Variants in NIN observed in about 807,000 individuals in gnomAD.
NIN encodes the protein ninein.
In NIN, 137 loss-of-function variants were observed where a neutral mutation model predicts 257.6. The ratio of observed to expected loss-of-function variants is 0.53; its 90% CI spans 0.46 to 0.61. The LOEUF is 0.61. Among genes scored for constraint, NIN ranks in the 20% least tolerant of loss-of-function variants. The probability of loss-of-function intolerance (pLI) is 0.00; values close to 1 mark genes in which losing one functional copy is unlikely to be tolerated. For synonymous variants in NIN, 918 were observed against 919.8 expected (o/e 1.00, Z 0.04); for missense variants, 2,439 against 2,501.2 (o/e 0.98, Z 0.53).
At chr14:50,756,244 A>G (rs1485167789) in intron 18 of NIN, among the ~76,000 whole-genome samples, 1 of 152,214 alleles carries the variant, frequency 6.6e-6, no homozygotes, top group Non-Finnish European at 1.5e-5. Context: ...ATGGTTAAAC[A>G]GCAAACACTC....
intron 3 of NIN, among the ~76,000 whole-genome samples, chr14:50,820,751 T>G (rs1312372045): frequency 6.6e-6 from 1 of 152,028 alleles, no homozygotes; most frequent in Non-Finnish European, 1.5e-5. Context: ...TGCAAAGAAG[T>G]CACATATTTT....
intron 29 of NIN, 103 bp from the exon 30 acceptor site, chr14:50,726,169 C>G (rs537758591): frequency 2.3e-6 from 2 of 877,708 alleles, no homozygotes; most frequent in East Asian, 2.5e-5. Context: ...AATGTTTTGC[C>G]TTTGTAACAG....
chr14:50,767,910 G>T (rs2042571211), intron 12 of NIN, among the ~76,000 whole-genome samples: 1 of 151,406 alleles, frequency 6.6e-6, no homozygotes, highest in African/African-American at 2.4e-5. Flanking sequence ...TTGGTTTAAA[G>T]ATATAAAAAC....
chr14:50,810,041 C>A (rs957776256), intron 3 of NIN, among the ~76,000 whole-genome samples: 3 of 151,994 alleles, frequency 2.0e-5, no homozygotes, highest in Admixed American at 6.6e-5. Flanking sequence ...ACCATCCTGG[C>A]TAACACGGTG....
At chr14:50,811,884 C>T (rs931457397) in intron 3 of NIN, among the ~76,000 whole-genome samples, 3 of 151,714 alleles carry the variant, frequency 2.0e-5, no homozygotes, top group Non-Finnish European at 4.4e-5. Flanking sequence ...GTCCCAGCTA[C>T]TCGGGAGGCT....
intron 4 of NIN, among the ~76,000 whole-genome samples, chr14:50,793,546 A>C (rs1450992020): frequency 6.6e-6 from 1 of 152,204 alleles, no homozygotes; most frequent in Non-Finnish European, 1.5e-5. Context: ...AAAAAATTGT[A>C]TTATTTTATC....
rs377124730 is a variant in NIN at position 50,810,863 on chromosome 14, C to T, written c.184-4045G>A. On this transcript the variant is annotated intron_variant, in intron 3 of 30. Coordinates refer to ENST00000530997, the MANE Select transcript of NIN (RefSeq NM_020921.4). ...ATTTTTAGTAGAGACAGGGTTTCAC[C>T]GCGTTAGCCAGGATGGTCTCGATCT... Among the ~76,000 whole-genome samples the T allele has an allele frequency of 3.7e-4, 57 of 152,040 alleles. No individual in the cohort carries two copies. The East Asian group carries it at 7.6e-3, about 20-fold the overall frequency.
At chr14:50,729,493 T>C in intron 29 of NIN, 30 bp downstream of exon 29, 1 of 1,577,732 alleles carries the variant, frequency 6.3e-7, no homozygotes, top group Non-Finnish European at 8.7e-7. Context: ...AATTAACAGG[T>C]GATCTACTAG....
intron 8 of NIN, among the ~76,000 whole-genome samples, chr14:50,772,681 A>G (rs1210384946): frequency 2.0e-5 from 3 of 152,250 alleles, no homozygotes; most frequent in Non-Finnish European, 2.9e-5. Context: ...GTTCTATGAC[A>G]TAGACGAGAT....
intron 11 of NIN, 47 bp from the exon 12 acceptor site, chr14:50,770,609 T>A: frequency 6.3e-7 from 1 of 1,593,112 alleles, no homozygotes; most frequent in Admixed American, 1.7e-5. Flanking sequence ...CTTTCAGAGG[T>A]CCCAGTATCA....
At chr14:50,806,869 G>T in intron 3 of NIN, 51 bp from the exon 4 acceptor site, 2 of 891,474 alleles carry the variant, frequency 2.2e-6, no homozygotes, top group Non-Finnish European at 3.5e-6. Context: ...CTCTAAGAAT[G>T]CAAACCTATC....
chr14:50,814,485 G>C (rs1031012981), intron 3 of NIN, among the ~76,000 whole-genome samples: 16 of 152,166 alleles, frequency 1.1e-4, no homozygotes, highest in Non-Finnish European at 1.9e-4. Context: ...TCTTGTAAGG[G>C]AAATAGTCTT....
rs778390984 is a variant in NIN at position 50,757,829 on chromosome 14, G to C, written c.3201C>G (p.Leu1067=). Residue 1067 remains leucine (L), a synonymous_variant, in exon 18 of 31, where the codon CTC becomes CTG. Transcript: ENST00000530997. ...GTTCATGAGCTCTCTGCAGGCTTAA[G>C]AGGACGTCCCCATTTTCTTCCAACA... ...EQLLEENGDV[L]LSLQRAHEQA... 1.9e-6 allele frequency: 3 copies of C among 1,614,114 alleles called. No individual in the cohort carries two copies. The highest frequency in any genetic ancestry group is 2.5e-6 in the Non-Finnish European group (3 of 1,180,028).
chr14:50,729,483 A>C, intron 29 of NIN, 40 bp downstream of exon 29: 1 of 1,567,420 alleles, frequency 6.4e-7, no homozygotes. Context: ...AAACAGGTAA[A>C]ATTAACAGGT....
At chr14:50,815,737 T>A (rs757572670) in intron 3 of NIN, among the ~76,000 whole-genome samples, 6 of 152,098 alleles carry the variant, frequency 3.9e-5, no homozygotes, top group Non-Finnish European at 7.4e-5. Context: ...CGGTGGGGCA[T>A]GGTGGCTCAG....
At chr14:50,807,507 A>C (rs1263539427) in intron 3 of NIN, among the ~76,000 whole-genome samples, 7 of 152,366 alleles carry the variant, frequency 4.6e-5, no homozygotes, top group Non-Finnish European at 8.8e-5. Flanking sequence ...CATTTTCTTT[A>C]TGGCCAAGGA....
chr14:50,767,689 C>T lies in NIN; in HGVS notation c.1435-799G>A, dbSNP rs541541261. 1.2e-3 allele frequency among the ~76,000 whole-genome samples: 180 copies of T among 151,810 alleles called. 1 individual carries two copies. Among genetic ancestry groups the T allele is most frequent in the Middle Eastern group, 3.4e-3 (1 of 294 alleles). ...AAAATTAGCCAGGTGTGGTGGCGGG[C>T]GCCTGTAGTCCCAGCTACTTGGGAG... is the stretch of plus-strand genomic sequence containing the variant. On this transcript the variant is annotated intron_variant, in intron 12 of 30. Transcript: ENST00000530997.
intron 2 of NIN, among the ~76,000 whole-genome samples, chr14:50,825,687 C>A (rs1480694707): frequency 6.6e-6 from 1 of 152,218 alleles, no homozygotes; most frequent in Non-Finnish European, 1.5e-5. Context: ...CAATCCTACA[C>A]ATGCACACAG....
intron 12 of NIN, among the ~76,000 whole-genome samples, 155 bp from the exon 13 acceptor site, chr14:50,767,045 A>T (rs2042516709): frequency 6.6e-6 from 1 of 152,226 alleles, no homozygotes; most frequent in Non-Finnish European, 1.5e-5. Flanking sequence ...GTAAATATAA[A>T]AGGTTGATAT....
Sources: gnomAD v4.1 joint callset for allele counts (sites outside exome capture counted in the v4.1 genomes callset) on GRCh38, gnomAD v4.1.1 for gene constraint, MANE v1.5 for transcripts, NCBI Gene and HGNC (gene_info 2026-07-23, HGNC 2026-07-21) for gene names.